The following IGF2R variants were observed in gnomAD, a reference collection of about 807,000 sequenced individuals.
The protein encoded by IGF2R is insulin like growth factor 2 receptor, also known as cation-independent mannose-6-phosphate receptor.
IGF2R carries 91 observed loss-of-function variants against 270.6 expected under a neutral mutation model. The observed-to-expected ratio is 0.34, with a 90% CI of 0.28 to 0.40. The LOEUF (loss-of-function observed/expected upper bound fraction) is 0.40, where lower values mean the gene tolerates loss of function less well. Ranked by LOEUF, IGF2R falls within the 10% of genes least tolerant of loss-of-function variation. IGF2R has a pLI of 1.00. For missense variants in IGF2R, 2,805 were observed against 3,188.3 expected (o/e 0.88, Z 2.90); for synonymous variants, 1,316 against 1,258.9 (o/e 1.05, Z -0.96).
At chr6:160,011,803 A>T (rs1442495112) in intron 4 of IGF2R, among the ~76,000 whole-genome samples, 1 of 152,142 alleles carries the variant, frequency 6.6e-6, no homozygotes, top group Non-Finnish European at 1.5e-5. Flanking sequence ...CCACCACCCC[A>T]GATCCTAAAG....
intron 4 of IGF2R, among the ~76,000 whole-genome samples, chr6:160,014,207 A>G (rs1777226418): frequency 6.6e-6 from 1 of 152,208 alleles, no homozygotes; most frequent in African/African-American, 2.4e-5. Context: ...GAACAGGCAA[A>G]ATTCAGAACT....
intron 35 of IGF2R, among the ~76,000 whole-genome samples, chr6:160,074,685 C>T (rs1219504539): frequency 2.6e-5 from 4 of 152,226 alleles, no homozygotes; most frequent in East Asian, 1.9e-4. Context: ...TCTCACAAGT[C>T]GTCTGTATTT....
intron 10 of IGF2R, among the ~76,000 whole-genome samples, chr6:160,038,076 C>T (rs543979025): frequency 8.5e-5 from 13 of 152,294 alleles, no homozygotes; most frequent in East Asian, 1.9e-4. Flanking sequence ...GTGCTGCTGC[C>T]TCCTCCTTAG....
rs372841952 is a variant in IGF2R at position 160,002,820 on chromosome 6, A to G, written c.290-6190A>G. Among the ~76,000 whole-genome samples the G allele has an allele frequency of 3.4e-3, 517 of 152,308 alleles. 3 individuals are homozygous for G. The highest frequency in any genetic ancestry group is 0.012 in the African/African-American group (493 of 41,574). ...GTCTGAATTAATTGCTGAGTTATAA[A>G]CTTTGGATTGGAGTTATATTAAACA... On this transcript the variant is annotated intron_variant, in intron 2 of 47. Transcript: ENST00000356956.
intron 7 of IGF2R, among the ~76,000 whole-genome samples, chr6:160,030,594 C>T (rs1289378668): frequency 6.6e-6 from 1 of 152,142 alleles, no homozygotes; most frequent in East Asian, 1.9e-4. Context: ...TTCATTTGTA[C>T]CTACAGATGT....
chr6:160,092,728 A>G (rs949660213), intron 44 of IGF2R, among the ~76,000 whole-genome samples: 2 of 152,156 alleles, frequency 1.3e-5, no homozygotes, highest in African/African-American at 4.8e-5. Flanking sequence ...GCTACTCCCA[A>G]GCGAGAATGT....
intron 21 of IGF2R, 98 bp downstream of exon 21, chr6:160,058,222 G>C: frequency 1.3e-6 from 1 of 788,530 alleles, no homozygotes; most frequent in Non-Finnish European, 2.2e-6. Flanking sequence ...AATTGCCCAG[G>C]CCACTGTGGT....
chr6:160,033,124 T>C lies in IGF2R; in HGVS notation c.1211+17T>C. On this transcript the variant is annotated intron_variant, in intron 9 of 47. Coordinates refer to ENST00000356956, the MANE Select transcript of IGF2R (RefSeq NM_000876.4). Reference sequence around the variant, plus strand: ...GACCCTCCGGTACGTCAACAACCTCTGTGCGATTTTCCTTTTTCTTTGTAT... The same window carrying C: ...GACCCTCCGGTACGTCAACAACCTCCGTGCGATTTTCCTTTTTCTTTGTAT... 1 of 1,595,386 alleles carries C rather than the reference T, an allele frequency of 6.3e-7. No individual in the cohort carries two copies. The highest frequency in any genetic ancestry group is 8.6e-7 in the Non-Finnish European group (1 of 1,165,226).
chr6:160,002,209 A>T (rs769807461), intron 2 of IGF2R, among the ~76,000 whole-genome samples: 6 of 152,036 alleles, frequency 3.9e-5, no homozygotes, highest in Non-Finnish European at 8.8e-5. Context: ...TGGACAACAT[A>T]GTGGAACCCC....
chr6:160,068,365 T>C lies in IGF2R; in HGVS notation c.4232T>C (p.Leu1411Pro), dbSNP rs1290192322. 1 of 1,614,056 alleles carries C rather than the reference T, an allele frequency of 6.2e-7. No individual in the cohort carries two copies. Among genetic ancestry groups the C allele is most frequent in the Non-Finnish European group, 8.5e-7 (1 of 1,180,050 alleles). Residue 1411 changes from leucine (L) to proline (P), a missense_variant, in exon 30 of 48, where the codon CTG (leucine) becomes CCG (proline). Physicochemically the swap from Leu to Pro is moderately conservative, Grantham distance 98. Transcript: ENST00000356956. ...EHYLINVCKS[L>P]APQAGTEPCP... is the part of the protein sequence containing the mutation. ...TACCTCATCAATGTCTGCAAGTCTC[T>C]GGCCCCGCAGGCTGGCACTGGTGAG... is the stretch of plus-strand genomic sequence containing the variant.
intron 47 of IGF2R, 58 bp downstream of exon 47, chr6:160,103,873 T>C: frequency 2.5e-6 from 3 of 1,179,582 alleles, no homozygotes; most frequent in Non-Finnish European, 3.8e-6. Flanking sequence ...TGTGCTGCGC[T>C]GTCCATGTCG....
At chr6:160,027,846 A>G (rs968586617) in intron 6 of IGF2R, among the ~76,000 whole-genome samples, 7 of 152,176 alleles carry the variant, frequency 4.6e-5, no homozygotes, top group African/African-American at 1.7e-4. Context: ...TGTGTTGCAC[A>G]TGACCATATC....
Position 160,104,760 on chromosome 6 carries a change from A to G in IGF2R, c.7152A>G (p.Glu2384=), listed in dbSNP as rs1476500579. ...TGCCTCCTCCACGGCAGGGAAAGGAAGGGCAGGAGAACGGCCATATTACCA... is the reference window on the plus strand; with the variant it reads ...TGCCTCCTCCACGGCAGGGAAAGGAGGGGCAGGAGAACGGCCATATTACCA... The part of the protein sequence containing the change: ...IQLPPPRQGK[E]GQENGHITTK... The change falls in exon 48 of 48, where the codon GAA becomes GAG. Residue 2384 remains glutamate, a synonymous_variant. Transcript: ENST00000356956. 1 of 1,614,156 alleles carries G rather than the reference A, an allele frequency of 6.2e-7. No homozygotes were observed. The highest frequency in any genetic ancestry group is 2.2e-5 in the East Asian group (1 of 44,874).
chr6:160,081,169 G>C (rs1778973745), intron 39 of IGF2R, among the ~76,000 whole-genome samples: 1 of 151,688 alleles, frequency 6.6e-6, no homozygotes, highest in South Asian at 2.1e-4. Flanking sequence ...TAAATGTCCA[G>C]TATCGGGGGA....
In IGF2R at chr6:159,998,688, C is replaced by G. The variant is rs180822868; in HGVS notation, c.289+7365C>G. On this transcript the variant is annotated intron_variant, in intron 2 of 47. Coordinates refer to ENST00000356956, the MANE Select transcript of IGF2R (RefSeq NM_000876.4). The surrounding 1 kb of genome is among the most constrained non-coding windows in gnomAD (Gnocchi z 4.1). The stretch of plus-strand genomic sequence containing the variant: ...TCCCTTTCCCAGAGCTTGAAACTTC[C>G]AGAGGGAGTCATCATATATACTTTC... 3.2e-4 allele frequency among the ~76,000 whole-genome samples: 49 copies of G among 152,256 alleles called. No individual in the cohort carries two copies. The highest frequency in any genetic ancestry group is 1.2e-3 in the African/African-American group (49 of 41,552).
At chr6:160,072,108 G>T in intron 32 of IGF2R, 72 bp downstream of exon 32, 1 of 1,595,860 alleles carries the variant, frequency 6.3e-7, no homozygotes, top group Non-Finnish European at 8.6e-7. Flanking sequence ...CAGCTCATCA[G>T]GGGAGAGACC....
chr6:160,062,544 T>G lies in IGF2R; in HGVS notation c.3595T>G (p.Phe1199Val). 6.2e-7 allele frequency: 1 copy of G among 1,613,200 alleles called. No individual in the cohort carries two copies. Residue 1199 changes from phenylalanine to valine, a missense_variant, in exon 26 of 48, where the codon TTT becomes GTT. By Grantham distance (50) the Phe-to-Val change is conservative (BLOSUM62 -1). Coordinates refer to ENST00000356956, the MANE Select transcript of IGF2R (RefSeq NM_000876.4). ...ATTTATATTACAGGGCTCACCAGCATTTCAGCTTCAGGATGGTTGTGAGTA... is the reference window on the plus strand; with the variant it reads ...ATTTATATTACAGGGCTCACCAGCAGTTCAGCTTCAGGATGGTTGTGAGTA... ...ECAQISGSPA[F>V]QLQDGCEYVF...
Position 160,032,674 on chromosome 6 carries a change from G to C in IGF2R, c.1006G>C (p.Asp336His), listed in dbSNP as rs1373956831. ...KTCSLSGEQQ[D>H]VSIDLTPLAQ... ...TTGTTCTCTGAGCGGCGAGCAGCAG[G>C]ATGTCTCCATAGACCTCACACCACT... The change falls in exon 8 of 48, where the codon GAT (aspartate) becomes CAT (histidine). Residue 336 changes from aspartate (D) to histidine (H), a missense_variant. Transcript: ENST00000356956. The C allele has an allele frequency of 1.2e-6, 2 of 1,614,048 alleles. No individual in the cohort carries two copies. The highest frequency in any genetic ancestry group is 8.5e-7 in the Non-Finnish European group (1 of 1,180,054).
At chr6:159,979,703 C>A (rs147858094) in intron 1 of IGF2R, among the ~76,000 whole-genome samples, 1 of 151,960 alleles carries the variant, frequency 6.6e-6, no homozygotes, top group Admixed American at 6.6e-5. Context: ...TCAGACCCAG[C>A]GGGAAGCATG....
Sources: gnomAD v4.1 joint callset for allele counts (sites outside exome capture counted in the v4.1 genomes callset) on GRCh38, gnomAD v4.1.1 for gene constraint, Gnocchi (gnomAD v3.1) non-coding constraint, MANE v1.5 for transcripts, NCBI Gene and HGNC (gene_info 2026-07-23, HGNC 2026-07-21) for gene names.